Variants in MAPRE2 observed in about 807,000 individuals in gnomAD.
MAPRE2 encodes the protein microtubule-associated protein RP/EB family member 2.
Under a neutral mutation model 43.2 loss-of-function variants are expected in MAPRE2, and 13 were observed. That is an observed-to-expected ratio of 0.30 (90% CI 0.20 to 0.48). The LOEUF is 0.48. MAPRE2 is among the 20% of genes least tolerant of loss of function. MAPRE2 has a pLI of 0.99. For missense variants in MAPRE2, 161 were observed against 400.2 expected (o/e 0.40, Z 5.10); for synonymous variants, 135 against 148.8 (o/e 0.91, Z 0.68).
At chr18:35,077,566 T>G (rs896272525) in intron 2 of MAPRE2, among the ~76,000 whole-genome samples, 7 of 152,172 alleles carry the variant, frequency 4.6e-5, no homozygotes, top group African/African-American at 1.7e-4. Context: ...ATACAGTTAA[T>G]GAGAGTGATA....
chr18:35,058,408 A>AT lies in MAPRE2; in HGVS notation c.123-11778dup, dbSNP rs1009495643. On this transcript the variant is annotated intron_variant, in intron 1 of 6. Transcript: ENST00000300249. ...GAGTAGAATACTGAGAGGCTTGTCT[A>AT]TTTTTTTTTAAGGAATAGCTTTTTC... Among the ~76,000 whole-genome samples the AT allele has an allele frequency of 5.0e-4, 76 of 151,236 alleles. 1 individual carries two copies. The highest frequency in any genetic ancestry group is 3.4e-3 in the Middle Eastern group (1 of 292).
intron 2 of MAPRE2, among the ~76,000 whole-genome samples, chr18:35,095,523 G>GTTTTT (rs59656363): frequency 1.5e-5 from 2 of 134,218 alleles, no homozygotes; most frequent in African/African-American, 2.7e-5. Context: ...ATGGAAGAGG[G>GTTTTT]TTTTTTTTTT....
intron 1 of MAPRE2, among the ~76,000 whole-genome samples, chr18:34,999,406 C>T (rs1434966958): frequency 6.6e-6 from 1 of 152,056 alleles, no homozygotes; most frequent in Non-Finnish European, 1.5e-5. Context: ...ATAGAAAGGG[C>T]AATCTTAAAA....
At chr18:35,096,549 A>G (rs1423872350) in intron 2 of MAPRE2, among the ~76,000 whole-genome samples, 1 of 151,780 alleles carries the variant, frequency 6.6e-6, no homozygotes, top group Non-Finnish European at 1.5e-5. Flanking sequence ...CAGGGGGCTC[A>G]TTGGACATTT....
upstream of MAPRE2, among the ~76,000 whole-genome samples, chr18:35,037,283 A>G (rs185058305): frequency 7.2e-5 from 11 of 152,328 alleles, no homozygotes; most frequent in Admixed American, 6.5e-4. Flanking sequence ...ACCACTAAAG[A>G]GCATTTGCTG....
chr18:35,127,388 A>G, intron 5 of MAPRE2: 1 of 286,330 alleles, frequency 3.5e-6, no homozygotes, highest in South Asian at 5.3e-5. Context: ...TCCAGGCTAG[A>G]CCGTTGCCCA....
In MAPRE2 at chr18:35,132,084, A is replaced by G. The variant is rs530247593; in HGVS notation, c.803A>G (p.Tyr268Cys). 6.2e-7 allele frequency: 1 copy of G among 1,614,212 alleles called. No homozygotes were observed. The highest frequency in any genetic ancestry group is 1.1e-5 in the South Asian group (1 of 91,084). Residue 268 changes from tyrosine to cysteine, a missense_variant, in exon 6 of 7, where the codon TAC becomes TGC. By Grantham distance (194) the Tyr-to-Cys change is radical. This residue lies in a region of MAPRE2 where 96 missense variants were observed against 153.3 expected (regional missense o/e 0.63). Transcript: ENST00000300249. ...GGCGTGGAAAAGGAAAGGGATTTCT[A>G]CTTTGGGAAGTTGAGAGAGATCGAG... ...LEGVEKERDF[Y>C]FGKLREIELL...
At chr18:35,086,896 T>C (rs574192) in intron 2 of MAPRE2, among the ~76,000 whole-genome samples, 57,708 of 152,048 alleles carry the variant, frequency 0.38, 15,452 homozygotes, top group African/African-American at 0.75. Context: ...TTATGTCTTA[T>C]GTTTCTTGCG....
intron 2 of MAPRE2, among the ~76,000 whole-genome samples, chr18:35,078,663 G>A (rs1907488475): frequency 6.6e-6 from 1 of 152,142 alleles, no homozygotes; most frequent in Non-Finnish European, 1.5e-5. Context: ...TTCACTGTGT[G>A]TTTGCCCATG....
chr18:35,097,528 A>G lies in MAPRE2; in HGVS notation c.333A>G (p.Glu111=). 1 of 1,613,832 alleles carries G rather than the reference A, an allele frequency of 6.2e-7. No individual in the cohort carries two copies. Residue 111 remains glutamate (E), a synonymous_variant, in exon 3 of 7, where the codon GAA becomes GAG. Transcript: ENST00000300249. ...AAGTAAAATTTCAAGCAAAGCTGGA[A>G]CATGAATATATTCACAATTTTAAAC... ...LKKVKFQAKL[E]HEYIHNFKLL...
chr18:35,069,138 A>G (rs951376299), intron 1 of MAPRE2, among the ~76,000 whole-genome samples: 1 of 152,196 alleles, frequency 6.6e-6, no homozygotes, highest in Non-Finnish European at 1.5e-5. Flanking sequence ...AAAAATCCAG[A>G]ATGTGGAAAC....
chr18:35,030,518 C>T (rs1358017878), intron 2 of MAPRE2, among the ~76,000 whole-genome samples: 2 of 151,702 alleles, frequency 1.3e-5, no homozygotes, highest in African/African-American at 2.4e-5. Context: ...AGTTATTGAA[C>T]TAGTTACCTC....
chr18:34,987,400 C>T (rs1402236005), intron 1 of MAPRE2, among the ~76,000 whole-genome samples: 2 of 152,152 alleles, frequency 1.3e-5, no homozygotes, highest in Non-Finnish European at 2.9e-5. Context: ...TTCACGTTAA[C>T]AAATGAACAC....
At chr18:35,012,530 A>T (rs927787558) in intron 2 of MAPRE2, among the ~76,000 whole-genome samples, 1 of 152,220 alleles carries the variant, frequency 6.6e-6, no homozygotes, top group African/African-American at 2.4e-5. Context: ...GATAAACAAA[A>T]TCTGGTATAT....
At chr18:35,002,119 C>A (rs1277211779) in intron 1 of MAPRE2, among the ~76,000 whole-genome samples, 2 of 152,308 alleles carry the variant, frequency 1.3e-5, no homozygotes, top group Middle Eastern at 3.4e-3. Flanking sequence ...TAACCCCTGG[C>A]AACCACTAAT....
At chr18:35,059,022 T>A (rs891869936) in intron 1 of MAPRE2, among the ~76,000 whole-genome samples, 1 of 151,164 alleles carries the variant, frequency 6.6e-6, no homozygotes, top group African/African-American at 2.4e-5. Context: ...GCAGCAGTGA[T>A]CACATGGCAT....
At chr18:35,065,005 A>T (rs1263855466) in intron 1 of MAPRE2, among the ~76,000 whole-genome samples, 1 of 152,172 alleles carries the variant, frequency 6.6e-6, no homozygotes, top group East Asian at 1.9e-4. Context: ...AAAACAAAAC[A>T]AAAAACCAGC....
chr18:35,138,474 A>G (rs1037368552), intron 6 of MAPRE2, among the ~76,000 whole-genome samples: 3 of 152,194 alleles, frequency 2.0e-5, no homozygotes, highest in African/African-American at 7.2e-5. Flanking sequence ...AGTTTTCAAC[A>G]CAATGTCACT....
At chr18:34,989,589 T>C (rs2097022722) in intron 1 of MAPRE2, among the ~76,000 whole-genome samples, 1 of 152,188 alleles carries the variant, frequency 6.6e-6, no homozygotes, top group African/African-American at 2.4e-5. Flanking sequence ...GCCGTACTTA[T>C]AGTTCCAGAT....
Sources: gnomAD v4.1 joint callset for allele counts (sites outside exome capture counted in the v4.1 genomes callset) on GRCh38, gnomAD v4.1.1 for gene constraint, gnomAD v4.1.1 regional missense constraint, MANE v1.5 for transcripts, NCBI Gene and HGNC (gene_info 2026-07-23, HGNC 2026-07-21) for gene names.